SLC38A1: variants seen among roughly 807,000 people sequenced by gnomAD.
SLC38A1 encodes solute carrier family 38 member 1, also known as sodium-coupled neutral amino acid symporter 1.
SLC38A1 carries 18 observed loss-of-function variants against 60.3 expected under a neutral mutation model. That is an observed-to-expected ratio of 0.30 (90% CI 0.21 to 0.44). The LOEUF is 0.44. Ranked by LOEUF, SLC38A1 falls within the 20% of genes least tolerant of loss-of-function variation. The probability of loss-of-function intolerance (pLI) is 1.00; values close to 1 mark genes in which losing one functional copy is unlikely to be tolerated. For missense variants in SLC38A1, 448 were observed against 587.2 expected (o/e 0.76, Z 2.45); for synonymous variants, 196 against 212.1 (o/e 0.92, Z 0.66).
intron 1 of SLC38A1, among the ~76,000 whole-genome samples, chr12:46,258,142 TG>T: frequency 6.6e-6 from 1 of 152,318 alleles, no homozygotes; most frequent in Middle Eastern, 3.4e-3. Flanking sequence ...ATCATCATCT[TG>T]GTTTTGGTGG....
rs959825413 is a variant in SLC38A1, at chr12:46,201,225, A to T, written c.903-27T>A. 5.8e-6 allele frequency: 9 copies of T among 1,557,206 alleles called. No individual in the cohort carries two copies. In the African/African-American group the frequency reaches 8.2e-5, roughly 14 times the overall value. On this transcript the variant is annotated intron_variant, in intron 12 of 16. Coordinates refer to ENST00000398637, the MANE Select transcript of SLC38A1 (RefSeq NM_030674.4). ...TAAAAACAAATAAATGTTAAAAATT[A>T]AAAATCATATGACTGAATTTAAGCA...
intron 1 of SLC38A1, among the ~76,000 whole-genome samples, chr12:46,265,533 AC>A (rs1252552810): frequency 2.0e-5 from 3 of 152,220 alleles, no homozygotes; most frequent in Non-Finnish European, 4.4e-5. Context: ...AATAGGGTGA[AC>A]TGTGAGAAAG....
intron 13 of SLC38A1, among the ~76,000 whole-genome samples, chr12:46,200,343 T>G (rs953069536): frequency 2.0e-5 from 3 of 151,740 alleles, no homozygotes; most frequent in African/African-American, 7.3e-5. Flanking sequence ...GAATTATTAT[T>G]TAGTAGAGAA....
intron 3 of SLC38A1, among the ~76,000 whole-genome samples, chr12:46,235,444 C>T (rs1018717041): frequency 1.7e-4 from 26 of 151,802 alleles, no homozygotes; most frequent in African/African-American, 6.3e-4. Flanking sequence ...TATTGGAAAA[C>T]ATGAAAAGGG....
At chr12:46,201,901 C>T (rs7977873) in intron 12 of SLC38A1, among the ~76,000 whole-genome samples, 9,491 of 149,750 alleles carry the variant, frequency 0.063, 407 homozygotes, top group Middle Eastern at 0.099. Flanking sequence ...ACAAGAAAAA[C>T]GGAGAAGTAG....
chr12:46,196,007 A>T (rs746242573), intron 16 of SLC38A1: 63 of 764,426 alleles, frequency 8.2e-5, no homozygotes, highest in Non-Finnish European at 1.2e-4. Flanking sequence ...CTCAGTTGGA[A>T]ATGCAGAAAT....
At chr12:46,242,857 G>A (rs1347384640) in intron 2 of SLC38A1, among the ~76,000 whole-genome samples, 1 of 152,044 alleles carries the variant, frequency 6.6e-6, no homozygotes, top group African/African-American at 2.4e-5. Context: ...AACAGATATT[G>A]TAAAAGAAAT....
At chr12:46,216,651 G>A (rs139882113) in intron 5 of SLC38A1, among the ~76,000 whole-genome samples, 1 of 152,160 alleles carries the variant, frequency 6.6e-6, no homozygotes, top group East Asian at 1.9e-4. Flanking sequence ...AGGAGTTCGC[G>A]ACCAGCCTGG....
chr12:46,213,126 C>T (rs1015498153), intron 5 of SLC38A1, among the ~76,000 whole-genome samples: 2 of 152,218 alleles, frequency 1.3e-5, no homozygotes, highest in Admixed American at 6.5e-5. Context: ...CTGAGATGAA[C>T]ACAATGCTAT....
At chr12:46,226,727 T>C (rs1940880717) in intron 5 of SLC38A1, among the ~76,000 whole-genome samples, 1 of 151,146 alleles carries the variant, frequency 6.6e-6, no homozygotes, top group South Asian at 2.1e-4. Context: ...TCGATTCTCC[T>C]GCCTCAGCCT....
chr12:46,209,008 A>G, intron 6 of SLC38A1, 46 bp downstream of exon 6: 2 of 1,325,824 alleles, frequency 1.5e-6, no homozygotes, highest in South Asian at 1.2e-5. Context: ...TACCATAAAA[A>G]TAATTCACCC....
At chr12:46,217,392 T>C (rs960124681) in intron 5 of SLC38A1, among the ~76,000 whole-genome samples, 1 of 152,230 alleles carries the variant, frequency 6.6e-6, no homozygotes, top group Non-Finnish European at 1.5e-5. Context: ...GAAATGTTAA[T>C]GGAGCTTGTC....
At position 46,198,691 on chromosome 12, in the gene SLC38A1, G is replaced by A. The variant is rs1939500658; in HGVS notation, c.1056C>T (p.Leu352=). The A allele has an allele frequency of 6.2e-7, 1 of 1,613,546 alleles. No individual in the cohort carries two copies. The highest frequency in any genetic ancestry group is 1.3e-5 in the African/African-American group (1 of 74,880). ...LHKYQSKDDI[L]ILTVRLAVIV... ...TGACAGCCAGCCGCACTGTCAGGAT[G>A]AGAATGTCATCTTTACTCTGATATT... The change falls in exon 14 of 17, where the codon CTC becomes CTT. Residue 352 remains leucine, a synonymous_variant. Coordinates refer to ENST00000398637, the MANE Select transcript of SLC38A1 (RefSeq NM_030674.4).
chr12:46,218,838 G>T (rs1042005335), intron 5 of SLC38A1, among the ~76,000 whole-genome samples: 2 of 152,100 alleles, frequency 1.3e-5, no homozygotes, highest in Non-Finnish European at 2.9e-5. Flanking sequence ...AATCATAGGG[G>T]GGTGAAGTAA....
intron 5 of SLC38A1, among the ~76,000 whole-genome samples, chr12:46,221,118 T>A (rs577189287): frequency 6.6e-6 from 1 of 152,284 alleles, no homozygotes; most frequent in Non-Finnish European, 1.5e-5. Flanking sequence ...TTTGTAAACA[T>A]GGATCATAGA....
At chr12:46,266,719 T>G (rs1592166784) in intron 1 of SLC38A1, among the ~76,000 whole-genome samples, 1 of 152,298 alleles carries the variant, frequency 6.6e-6, no homozygotes, top group South Asian at 2.1e-4. Context: ...CAAATCTTGT[T>G]AGTTGCTGCC....
Position 46,209,104 on chromosome 12 carries a change from A to C in SLC38A1, c.338T>G (p.Leu113Trp). 6.2e-7 allele frequency: 1 copy of C among 1,610,778 alleles called. No homozygotes were observed. Among genetic ancestry groups the C allele is most frequent in the South Asian group, 1.1e-5 (1 of 90,806 alleles). ...LFLVLLTSVT[L>W]LSIYSINLLL... is the part of the protein sequence containing the mutation. ...GAGGTTTATTGAATATATAGACAGCAATGTCACTGAAGTCAAAAGTACCCT... is the reference window on the plus strand; with the variant it reads ...GAGGTTTATTGAATATATAGACAGCCATGTCACTGAAGTCAAAAGTACCCT... Residue 113 changes from leucine (L) to tryptophan (W), a missense_variant, in exon 6 of 17, where the codon TTG (leucine) becomes TGG (tryptophan). By Grantham distance (61) the Leu-to-Trp change is moderately conservative (BLOSUM62 -2). Transcript: ENST00000398637.
At chr12:46,247,272 A>G (rs913905496) in intron 1 of SLC38A1, among the ~76,000 whole-genome samples, 1 of 152,202 alleles carries the variant, frequency 6.6e-6, no homozygotes, top group Non-Finnish European at 1.5e-5. Flanking sequence ...ATCACAAGGA[A>G]GCTAAAAACC....
chr12:46,190,955 T>C (rs1033076621), intron 16 of SLC38A1, among the ~76,000 whole-genome samples: 2 of 152,208 alleles, frequency 1.3e-5, no homozygotes, highest in Non-Finnish European at 2.9e-5. Flanking sequence ...CATTTGTCTA[T>C]TTTGGCTTTT....
Sources: gnomAD v4.1 joint callset for allele counts (sites outside exome capture counted in the v4.1 genomes callset) on GRCh38, gnomAD v4.1.1 for gene constraint, MANE v1.5 for transcripts, NCBI Gene and HGNC (gene_info 2026-07-23, HGNC 2026-07-21) for gene names.